Variants in HS6ST3 observed in about 807,000 individuals in gnomAD.
The protein encoded by HS6ST3 is heparan-sulfate 6-O-sulfotransferase 3.
A neutral mutation model predicts 36.7 loss-of-function variants in HS6ST3; 12 were observed. The observed-to-expected ratio is 0.33, with a 90% CI of 0.21 to 0.53. HS6ST3 has a LOEUF of 0.53. Ranked by LOEUF, HS6ST3 falls within the 20% of genes least tolerant of loss-of-function variation. The probability of loss-of-function intolerance (pLI) is 0.95; values close to 1 mark genes in which losing one functional copy is unlikely to be tolerated. For synonymous variants in HS6ST3, 240 were observed against 257.5 expected (o/e 0.93, Z 0.65); for missense variants, 584 against 640.9 (o/e 0.91, Z 0.96).
intron 1 of HS6ST3, among the ~76,000 whole-genome samples, chr13:96,118,203 T>A (rs1409258904): frequency 2.0e-5 from 3 of 152,056 alleles, no homozygotes; most frequent in African/African-American, 7.2e-5. Context: ...GTAGAACCTT[T>A]GAAAAAATAA....
At chr13:96,412,064 G>A (rs1478141604) in intron 1 of HS6ST3, among the ~76,000 whole-genome samples, 1 of 152,054 alleles carries the variant, frequency 6.6e-6, no homozygotes, top group Non-Finnish European at 1.5e-5. Context: ...CAGTGCAGTG[G>A]TGCGATCTCG....
Position 96,196,406 on chromosome 13 carries a change from C to G in HS6ST3, c.707+104837C>G, listed in dbSNP as rs150715533. Among the ~76,000 whole-genome samples the G allele has an allele frequency of 4.1e-4, 62 of 152,204 alleles. 1 individual carries two copies. The highest frequency in any genetic ancestry group is 3.4e-3 in the Middle Eastern group (1 of 294). ...CTCCCCCGAGAATGTCTCCTCTGCT[C>G]TCTACTTTTTGAAAGGTAAATCAGA... is the stretch of plus-strand genomic sequence containing the variant. On this transcript the variant is annotated intron_variant, in intron 1 of 1. Coordinates refer to ENST00000376705, the MANE Select transcript of HS6ST3 (RefSeq NM_153456.4).
chr13:96,744,317 A>C (rs1876512610), intron 1 of HS6ST3, among the ~76,000 whole-genome samples: 1 of 152,122 alleles, frequency 6.6e-6, no homozygotes, highest in South Asian at 2.1e-4. Context: ...ACCATAAAGA[A>C]AATAATCATA....
At chr13:96,620,487 A>C (rs112793688) in intron 1 of HS6ST3, among the ~76,000 whole-genome samples, 1 of 152,350 alleles carries the variant, frequency 6.6e-6, no homozygotes, top group Non-Finnish European at 1.5e-5. Flanking sequence ...GCACCTACCC[A>C]GGCCTTGAAC....
chr13:96,196,486 G>A (rs967705705), intron 1 of HS6ST3, among the ~76,000 whole-genome samples: 2 of 152,156 alleles, frequency 1.3e-5, no homozygotes, highest in Non-Finnish European at 2.9e-5. Flanking sequence ...CCTATACCGT[G>A]GGTATTGAGT....
At chr13:96,613,724 T>C (rs2056463890) in intron 1 of HS6ST3, among the ~76,000 whole-genome samples, 2 of 152,244 alleles carry the variant, frequency 1.3e-5, no homozygotes, top group South Asian at 4.1e-4. Flanking sequence ...ACTGCTATTG[T>C]AAACTCAGCA....
intron 1 of HS6ST3, among the ~76,000 whole-genome samples, chr13:96,421,717 G>A (rs2055563470): frequency 6.6e-6 from 1 of 152,070 alleles, no homozygotes; most frequent in African/African-American, 2.4e-5. Flanking sequence ...AGAATTGAAT[G>A]CCTTCCGTCT....
At chr13:96,398,263 T>A (rs1180985876) in intron 1 of HS6ST3, among the ~76,000 whole-genome samples, 1 of 152,134 alleles carries the variant, frequency 6.6e-6, no homozygotes, top group African/African-American at 2.4e-5. Flanking sequence ...ATTTTAGTTC[T>A]TAATTATCTA....
intron 1 of HS6ST3, among the ~76,000 whole-genome samples, chr13:96,117,304 C>T (rs150528675): frequency 1.6e-3 from 239 of 152,218 alleles, no homozygotes; most frequent in African/African-American, 4.9e-3. Context: ...AAGATGCCCC[C>T]TATGGTCTAA....
At chr13:96,110,491 C>A (rs1365635859) in intron 1 of HS6ST3, among the ~76,000 whole-genome samples, 5 of 150,320 alleles carry the variant, frequency 3.3e-5, no homozygotes, top group African/African-American at 1.2e-4. Flanking sequence ...GGCTGGAGTG[C>A]AGTGGCACCA....
chr13:96,163,442 C>G (rs527397871), intron 1 of HS6ST3, among the ~76,000 whole-genome samples: 88 of 151,874 alleles, frequency 5.8e-4, no homozygotes, highest in Middle Eastern at 6.8e-3. Context: ...TATTAGCTAG[C>G]ATGGTCTCGA....
At chr13:96,666,391 C>G (rs536235234) in intron 1 of HS6ST3, among the ~76,000 whole-genome samples, 2 of 152,202 alleles carry the variant, frequency 1.3e-5, no homozygotes, top group African/African-American at 4.8e-5. Context: ...TTCTTCTATC[C>G]CTTTATTATT....
At chr13:96,212,125 A>G (rs1278743029) in intron 1 of HS6ST3, among the ~76,000 whole-genome samples, 3 of 152,226 alleles carry the variant, frequency 2.0e-5, no homozygotes, top group Non-Finnish European at 4.4e-5. Context: ...CTAGGGTAAA[A>G]ATTAAAAGAA....
At chr13:96,435,188 AG>A (rs1350707492) in intron 1 of HS6ST3, among the ~76,000 whole-genome samples, 1 of 152,236 alleles carries the variant, frequency 6.6e-6, no homozygotes, top group African/African-American at 2.4e-5. Flanking sequence ...TTTCAAAGAC[AG>A]TTTTGAAAAT....
intron 1 of HS6ST3, among the ~76,000 whole-genome samples, chr13:96,191,095 C>G (rs1170571726): frequency 6.6e-6 from 1 of 152,176 alleles, no homozygotes; most frequent in Non-Finnish European, 1.5e-5. Flanking sequence ...TCTAATTAAT[C>G]TGTGACTTTC....
intron 1 of HS6ST3, among the ~76,000 whole-genome samples, chr13:96,486,347 G>A (rs1424847662): frequency 6.6e-6 from 1 of 152,060 alleles, no homozygotes; most frequent in African/African-American, 2.4e-5. Flanking sequence ...GTCTTTTATA[G>A]CAGCATGTTT....
At chr13:96,592,020 A>G (rs1337726834) in intron 1 of HS6ST3, among the ~76,000 whole-genome samples, 1 of 152,162 alleles carries the variant, frequency 6.6e-6, no homozygotes, top group Non-Finnish European at 1.5e-5. Context: ...CAAATGTTGC[A>G]GCATCTTTGC....
At chr13:96,556,214 G>T (rs1468591684) in intron 1 of HS6ST3, among the ~76,000 whole-genome samples, 1 of 152,156 alleles carries the variant, frequency 6.6e-6, no homozygotes, top group Non-Finnish European at 1.5e-5. Context: ...GAGAGGTACA[G>T]CAGGGCTTTC....
intron 1 of HS6ST3, among the ~76,000 whole-genome samples, chr13:96,447,914 A>G (rs987146905): frequency 1.3e-5 from 2 of 151,858 alleles, no homozygotes; most frequent in African/African-American, 2.4e-5. Context: ...AAACCACTCC[A>G]TGTGTGTCTG....
Sources: gnomAD v4.1 joint callset for allele counts (sites outside exome capture counted in the v4.1 genomes callset) on GRCh38, gnomAD v4.1.1 for gene constraint, MANE v1.5 for transcripts, NCBI Gene and HGNC (gene_info 2026-07-23, HGNC 2026-07-21) for gene names.